The following OR10G2 variants were observed in gnomAD, a reference collection of about 807,000 sequenced individuals.
The protein encoded by OR10G2 is olfactory receptor family 10 subfamily G member 2, also known as olfactory receptor 10G2.
For synonymous variants in OR10G2, 147 were observed against 164.2 expected, an observed-to-expected ratio of 0.90 and a Z score of 0.80; for missense variants, 396 against 387.6, an observed-to-expected ratio of 1.02 and a Z score of -0.18.
At position 21,634,706 on chromosome 14, in the gene OR10G2, T is replaced by C. The variant is rs996376566; in HGVS notation, c.137A>G (p.Asn46Ser). 2.0e-5 allele frequency: 33 copies of C among 1,614,044 alleles called. No homozygotes were observed. The highest frequency in any genetic ancestry group is 2.7e-5 in the Non-Finnish European group (32 of 1,180,022). ...FIIYILTQLGNLLILLTMWAD... is the reference protein window; with the variant it reads ...FIIYILTQLGSLLILLTMWAD... Reference sequence around the variant, plus strand: ...CCACATGGTGAGCAGAATGAGCAGGTTCCCCAGCTGAGTGAGGATGTAAAT... The same window carrying C: ...CCACATGGTGAGCAGAATGAGCAGGCTCCCCAGCTGAGTGAGGATGTAAAT... The change falls in exon 1 of 1, where the codon AAC becomes AGC. Residue 46 changes from asparagine (N) to serine (S), a missense_variant. Transcript: ENST00000542433.
At position 21,634,145 on chromosome 14, in the gene OR10G2, A is replaced by C. The variant is rs113309147; in HGVS notation, c.698T>G (p.Ile233Arg). Residue 233 changes from isoleucine (I) to arginine (R), a missense_variant, in exon 1 of 1, where the codon ATA becomes AGA. Ile to Arg is a moderately conservative substitution (Grantham distance 97, BLOSUM62 -3). Transcript: ENST00000542433. ...CCGGCGCCTCCCATCAGTGGTGCGT[A>C]TCTTCAGGATGGCATTTACTATGTT... ...YANIVNAILK[I>R]RTTDGRRRAF... 2.9e-5 allele frequency: 46 copies of C among 1,613,904 alleles called. No individual in the cohort carries two copies. In the African/African-American group the frequency reaches 4.1e-4, roughly 14 times the overall value.
At position 21,634,267 on chromosome 14, in the gene OR10G2, C is replaced by T. The variant is rs1878604751; in HGVS notation, c.576G>A (p.Leu192=). 3 of 1,614,198 alleles carry T rather than the reference C, an allele frequency of 1.9e-6. No individual in the cohort carries two copies. The East Asian group carries it at 6.7e-5, about 36-fold the overall frequency. The change falls in exon 1 of 1, where the codon CTG becomes CTA. Residue 192 remains leucine, a synonymous_variant. Transcript: ENST00000542433. ...CATTGACAGTTGTGTCAGCACAGGC[C>T]AGTCTCAATACTGCGGGGATGTCAC... ...FICDIPAVLR[L]ACADTTVNEL...
rs559017607 is a variant in OR10G2, at chr14:21,634,026, G to T, written c.817C>A (p.Leu273Met). 49 of 1,614,152 alleles carry T rather than the reference G, an allele frequency of 3.0e-5. No homozygotes were observed. The South Asian group carries it at 5.1e-4, about 17-fold the overall frequency. Reference sequence around the variant, plus strand: ...TAAAACACAGCCGCTGCCCCATCCAGGGGGTCTTTGGAGCCAGCCCTAAGG... The same window carrying T: ...TAAAACACAGCCGCTGCCCCATCCATGGGGTCTTTGGAGCCAGCCCTAAGG... ...IYLRAGSKDP[L>M]DGAAAVFYTV... The change falls in exon 1 of 1, where the codon CTG becomes ATG. Residue 273 changes from leucine (L) to methionine (M), a missense_variant. Transcript: ENST00000542433.
At position 21,633,846 on chromosome 14, in the gene OR10G2, C is replaced by T. The variant is rs1289122456; in HGVS notation, c.*64G>A. 3.1e-5 allele frequency: 36 copies of T among 1,146,646 alleles called. No individual in the cohort carries two copies. Among genetic ancestry groups the T allele is most frequent in the Non-Finnish European group, 4.3e-5 (34 of 796,334 alleles). The allele number at this position is 1,146,646 out of a possible 1,614,324, so 71.0% of individuals were successfully genotyped here. A position where few individuals can be genotyped will look rare whatever the true frequency, so the allele number is the denominator to read the frequency against. ...TTTATTGGGCATTTGTCACATGCAG[C>T]AGTAGCTGAAGAGAGTGGCAGTGAT... On this transcript the variant is annotated 3_prime_UTR_variant, in exon 1 of 1. Transcript: ENST00000542433.
rs1266436737 is a variant in OR10G2 at position 21,634,839 on chromosome 14, C to T, written c.4G>A (p.Gly2Arg). The T allele has an allele frequency of 6.2e-7, 1 of 1,601,130 alleles. No individual in the cohort carries two copies. The highest frequency in any genetic ancestry group is 1.3e-5 in the African/African-American group (1 of 74,416). ...TCCAGCGATGTGTTTTTGGTCTTTCCCATGTCTTTTTGTAGTCTGCTAAGA... is the reference window on the plus strand; with the variant it reads ...TCCAGCGATGTGTTTTTGGTCTTTCTCATGTCTTTTTGTAGTCTGCTAAGA... MGKTKNTSLDAV... is the reference protein window; with the variant it reads MRKTKNTSLDAV... Residue 2 changes from glycine (G) to arginine (R), a missense_variant, in exon 1 of 1, where the codon GGA (glycine) becomes AGA (arginine). Coordinates refer to ENST00000542433, the MANE Select transcript of OR10G2 (RefSeq NM_001005466.2).
Position 21,634,723 on chromosome 14 carries a change from G to C in OR10G2, c.120C>G (p.Ile40Met), listed in dbSNP as rs1244934029. 1 of 1,614,166 alleles carries C rather than the reference G, an allele frequency of 6.2e-7. No homozygotes were observed. Among genetic ancestry groups the C allele is most frequent in the East Asian group, 2.2e-5 (1 of 44,874 alleles). Residue 40 changes from isoleucine to methionine, a missense_variant, in exon 1 of 1, where the codon ATC (isoleucine) becomes ATG (methionine). Transcript: ENST00000542433. ...TGAGCAGGTTCCCCAGCTGAGTGAG[G>C]ATGTAAATGATGAAGAAGACCAGGA... ...LLFLVFFIIY[I>M]LTQLGNLLIL...
Position 21,634,728 on chromosome 14 carries a change from A to G in OR10G2, c.115T>C (p.Tyr39His). ...SLLFLVFFIIYILTQLGNLLI... is the reference protein window; with the variant it reads ...SLLFLVFFIIHILTQLGNLLI... ...AGGTTCCCCAGCTGAGTGAGGATGT[A>G]AATGATGAAGAAGACCAGGAAGAGG... Residue 39 changes from tyrosine to histidine, a missense_variant, in exon 1 of 1, where the codon TAC becomes CAC. Transcript: ENST00000542433. 6.2e-7 allele frequency: 1 copy of G among 1,614,194 alleles called. No individual in the cohort carries two copies. Among genetic ancestry groups the G allele is most frequent in the Non-Finnish European group, 8.5e-7 (1 of 1,180,026 alleles).
rs766157258 is a variant in OR10G2 at position 21,634,404 on chromosome 14, T to C, written c.439A>G (p.Thr147Ala). The C allele has an allele frequency of 2.7e-5, 43 of 1,614,054 alleles. No individual in the cohort carries two copies. The highest frequency in any genetic ancestry group is 6.7e-5 in the Admixed American group (4 of 59,998). The change falls in exon 1 of 1, where the codon ACA becomes GCA. Residue 147 changes from threonine to alanine, a missense_variant. By Grantham distance (58) the Thr-to-Ala change is moderately conservative (BLOSUM62 0). Coordinates refer to ENST00000542433, the MANE Select transcript of OR10G2 (RefSeq NM_001005466.2). Reference protein sequence around the residue: ...YPVLMNGRLCTVLVAGAWVAG... With the variant: ...YPVLMNGRLCAVLVAGAWVAG... ...ACCCAAGCTCCAGCCACAAGGACTG[T>C]GCATAACCTCCCATTCATGAGCACT...
At position 21,634,172 on chromosome 14, in the gene OR10G2, G is replaced by A. The variant is rs1215813991; in HGVS notation, c.671C>T (p.Ala224Val). Residue 224 changes from alanine (A) to valine (V), a missense_variant, in exon 1 of 1, where the codon GCC becomes GTC. By Grantham distance (64) the Ala-to-Val change is moderately conservative. Transcript: ENST00000542433. ...SCFMLILLSY[A>V]NIVNAILKIR... Reference sequence around the variant, plus strand: ...CTTCAGGATGGCATTTACTATGTTGGCATACGAGAGCAGAATTAACATGAA... The same window carrying A: ...CTTCAGGATGGCATTTACTATGTTGACATACGAGAGCAGAATTAACATGAA... 1 of 1,613,952 alleles carries A rather than the reference G, an allele frequency of 6.2e-7. No homozygotes were observed. The highest frequency in any genetic ancestry group is 8.5e-7 in the Non-Finnish European group (1 of 1,179,944).
In OR10G2 at chr14:21,634,322, C is replaced by G. The variant is rs761208669; in HGVS notation, c.521G>C (p.Cys174Ser). The change falls in exon 1 of 1, where the codon TGT becomes TCT. Residue 174 changes from cysteine to serine, a missense_variant. Transcript: ENST00000542433. ...AAAGTAATCCACCTGATTGGGCCCA[C>G]AGTAGGGCAGGCGGAAGGTCAAGGT... ...QATLTFRLPY[C>S]GPNQVDYFIC... is the part of the protein sequence containing the mutation. 1.9e-6 allele frequency: 3 copies of G among 1,614,194 alleles called. No homozygotes were observed. The highest frequency in any genetic ancestry group is 2.5e-6 in the Non-Finnish European group (3 of 1,180,046).
At position 21,634,430 on chromosome 14, in the gene OR10G2, G is replaced by C; in HGVS notation, c.413C>G (p.Pro138Arg). The C allele has an allele frequency of 6.2e-7, 1 of 1,614,230 alleles. No individual in the cohort carries two copies. The highest frequency in any genetic ancestry group is 1.3e-5 in the African/African-American group (1 of 75,060). Residue 138 changes from proline to arginine, a missense_variant, in exon 1 of 1, where the codon CCA becomes CGA. Transcript: ENST00000542433. ...GCATAACCTCCCATTCATGAGCACT[G>C]GGTAGCGCAGGGGCTGACATATTGC... ...YLAICQPLRY[P>R]VLMNGRLCTV... is the part of the protein sequence containing the mutation.
rs142755451 is a variant in OR10G2, at chr14:21,634,777, A to C, written c.66T>G (p.Ser22=). The change falls in exon 1 of 1, where the codon TCT becomes TCG. Residue 22 remains serine (S), a synonymous_variant. Coordinates refer to ENST00000542433, the MANE Select transcript of OR10G2 (RefSeq NM_001005466.2). ...VVTDFILLGL[S]HPPNLRSLLF... is the part of the protein sequence containing the mutation. ...GGAGGCTTCTTAGATTTGGGGGGTG[A>C]GACAAACCCAGAAGAATGAAATCTG... 2,466 of 1,614,032 alleles carry C rather than the reference A, an allele frequency of 1.5e-3. 6 individuals are homozygous for C. The highest frequency in any genetic ancestry group is 5.4e-3 in the Middle Eastern group (33 of 6,060).
chr14:21,634,786 C>T lies in OR10G2; in HGVS notation c.57G>A (p.Leu19=). ...TTAGATTTGGGGGGTGAGACAAACC[C>T]AGAAGAATGAAATCTGTCACCACGG... ...LDAVVTDFIL[L]GLSHPPNLRS... is the part of the protein sequence containing the mutation. The change falls in exon 1 of 1, where the codon CTG becomes CTA. Residue 19 remains leucine (L), a synonymous_variant. Coordinates refer to ENST00000542433, the MANE Select transcript of OR10G2 (RefSeq NM_001005466.2). 6.2e-7 allele frequency: 1 copy of T among 1,613,848 alleles called. No homozygotes were observed. The highest frequency in any genetic ancestry group is 1.1e-5 in the South Asian group (1 of 91,030).
Position 21,634,330 on chromosome 14 carries a change from C to T in OR10G2, c.513G>A (p.Leu171=), listed in dbSNP as rs111688019. 5.6e-6 allele frequency: 9 copies of T among 1,614,214 alleles called. No individual in the cohort carries two copies. The highest frequency in any genetic ancestry group is 4.0e-5 in the African/African-American group (3 of 75,040). The change falls in exon 1 of 1, where the codon CTG becomes CTA. Residue 171 remains leucine (L), a synonymous_variant. Transcript: ENST00000542433. The stretch of plus-strand genomic sequence containing the variant: ...CCACCTGATTGGGCCCACAGTAGGG[C>T]AGGCGGAAGGTCAAGGTGGCCTGGA... ...GSIQATLTFR[L]PYCGPNQVDY...
At position 21,634,204 on chromosome 14, in the gene OR10G2, G is replaced by A. The variant is rs1395526662; in HGVS notation, c.639C>T (p.Ala213=). The change falls in exon 1 of 1, where the codon GCC becomes GCT. Residue 213 remains alanine (A), a synonymous_variant. Coordinates refer to ENST00000542433, the MANE Select transcript of OR10G2 (RefSeq NM_001005466.2). ...VTFVDVGVVA[A]SCFMLILLSY... The stretch of plus-strand genomic sequence containing the variant: ...AGAGCAGAATTAACATGAAGCAACT[G>A]GCGGCCACTACCCCGACGTCCACAA... The A allele has an allele frequency of 6.2e-7, 1 of 1,614,192 alleles. No individual in the cohort carries two copies. Among genetic ancestry groups the A allele is most frequent in the South Asian group, 1.1e-5 (1 of 91,082 alleles).
In OR10G2 at chr14:21,633,856, A is replaced by C; in HGVS notation, c.*54T>G. On this transcript the variant is annotated 3_prime_UTR_variant, in exon 1 of 1. Transcript: ENST00000542433. Reference sequence around the variant, plus strand: ...ATTTGTCACATGCAGCAGTAGCTGAAGAGAGTGGCAGTGATAATGATGCAG... The same window carrying C: ...ATTTGTCACATGCAGCAGTAGCTGACGAGAGTGGCAGTGATAATGATGCAG... The C allele has an allele frequency of 4.8e-6, 6 of 1,250,078 alleles. No homozygotes were observed. The highest frequency in any genetic ancestry group is 1.4e-5 in the South Asian group (1 of 69,254). 77.4% of individuals were successfully genotyped at this position (1,250,078 alleles called of 1,614,324 possible). A position where few individuals can be genotyped will look rare whatever the true frequency, so the allele number is the denominator to read the frequency against.
Position 21,634,116 on chromosome 14 carries a change from A to G in OR10G2, c.727T>C (p.Phe243Leu). Residue 243 changes from phenylalanine to leucine, a missense_variant, in exon 1 of 1, where the codon TTC becomes CTC. Phe to Leu is a conservative substitution (Grantham distance 22, BLOSUM62 0). Transcript: ENST00000542433. ...IRTTDGRRRA[F>L]STCGSHLIVV... ...ATTAGGTGGGAGCCACAGGTGGAGA[A>G]GGCCCGGCGCCTCCCATCAGTGGTG... is the stretch of plus-strand genomic sequence containing the variant. 6.2e-7 allele frequency: 1 copy of G among 1,613,766 alleles called. No homozygotes were observed. The highest frequency in any genetic ancestry group is 8.5e-7 in the Non-Finnish European group (1 of 1,179,700).
At position 21,634,886 on chromosome 14, in the gene OR10G2, A is replaced by G. The variant is rs1381827635; in HGVS notation, c.-44T>C. On this transcript the variant is annotated 5_prime_UTR_variant, in exon 1 of 1. Transcript: ENST00000542433. ...AAGATGAATGGTGACGTTTGACAAG[A>G]GAAACACAGCACAATGATGTTGTAA... 1.4e-6 allele frequency: 2 copies of G among 1,432,634 alleles called. No homozygotes were observed. The highest frequency in any genetic ancestry group is 2.3e-5 in the East Asian group (1 of 43,870). 88.7% of individuals were successfully genotyped at this position (1,432,634 alleles called of 1,614,324 possible).
At position 21,633,892 on chromosome 14, in the gene OR10G2, T is replaced by C; in HGVS notation, c.*18A>G. Reference sequence around the variant, plus strand: ...GTGATAATGATGCAGATGTAGTTACTTATTTTCATTCAGTCCTTCAACCTG... The same window carrying C: ...GTGATAATGATGCAGATGTAGTTACCTATTTTCATTCAGTCCTTCAACCTG... On this transcript the variant is annotated 3_prime_UTR_variant, in exon 1 of 1. Coordinates refer to ENST00000542433, the MANE Select transcript of OR10G2 (RefSeq NM_001005466.2). The C allele has an allele frequency of 1.3e-6, 2 of 1,555,972 alleles. No homozygotes were observed. Among genetic ancestry groups the C allele is most frequent in the Non-Finnish European group, 8.7e-7 (1 of 1,144,712 alleles).
Sources: allele counts gnomAD v4.1 joint callset, GRCh38; gene constraint gnomAD v4.1.1; transcripts MANE v1.5; gene names NCBI Gene and HGNC (gene_info 2026-07-23, HGNC 2026-07-21).